PLA2G12A: variants seen among roughly 807,000 people sequenced by gnomAD.
PLA2G12A encodes phospholipase A2 group XIIA.
Under a neutral mutation model 16.0 loss-of-function variants are expected in PLA2G12A, and 11 were observed. That is an observed-to-expected ratio of 0.69 (90% CI 0.43 to 1.13). The LOEUF (loss-of-function observed/expected upper bound fraction) is 1.13. PLA2G12A is among the 50% of genes most tolerant of loss of function. The pLI is 0.00. For missense variants in PLA2G12A, 214 were observed against 237.3 expected (o/e 0.90, Z 0.65); for synonymous variants, 77 against 93.8 (o/e 0.82, Z 1.03).
At chr4:109,714,626 C>T (rs532564463) in intron 3 of PLA2G12A, 131 bp from the exon 4 acceptor site, 1 of 657,454 alleles carries the variant, frequency 1.5e-6, no homozygotes, top group East Asian at 2.5e-5. Flanking sequence ...AATCACCAAA[C>T]TCTCACAACC....
intron 1 of PLA2G12A, among the ~76,000 whole-genome samples, chr4:109,721,186 C>T (rs779404009): frequency 2.2e-4 from 33 of 152,284 alleles, no homozygotes; most frequent in Non-Finnish European, 4.1e-4. Flanking sequence ...AGCACTTCGT[C>T]TTGTTTCTCC....
intron 1 of PLA2G12A, among the ~76,000 whole-genome samples, chr4:109,719,029 G>A (rs1283889583): frequency 3.3e-5 from 5 of 152,160 alleles, no homozygotes; most frequent in Admixed American, 3.3e-4. Context: ...GTAAGCCTAT[G>A]TCATACGAAA....
chr4:109,718,540 C>T, intron 2 of PLA2G12A, 143 bp downstream of exon 2: 1 of 606,548 alleles, frequency 1.6e-6, no homozygotes, highest in African/African-American at 1.9e-5. Context: ...TTAGTTTTGC[C>T]AAAAAGAATC....
intron 1 of PLA2G12A, among the ~76,000 whole-genome samples, chr4:109,727,108 T>TATC (rs1722956312): frequency 6.6e-6 from 1 of 151,020 alleles, no homozygotes; most frequent in African/African-American, 2.4e-5. Flanking sequence ...ACAGCAATTT[T>TATC]ATTATTATTA....
rs796645595 is a variant in PLA2G12A, at chr4:109,725,981, A to T, written c.208+3621T>A. On this transcript the variant is annotated intron_variant, in intron 1 of 3. Transcript: ENST00000243501. ...ACTTTTATATTTTCCTCAAATCTCC[A>T]ACATCCCCATTCCCCATCTTCTCTG... Among the ~76,000 whole-genome samples, 136 of 152,270 alleles carry T rather than the reference A, an allele frequency of 8.9e-4. 1 individual carries two copies. Among genetic ancestry groups the T allele is most frequent in the African/African-American group, 3.2e-3 (132 of 41,558 alleles).
chr4:109,717,517 A>C, intron 3 of PLA2G12A, 31 bp downstream of exon 3: 1 of 1,594,882 alleles, frequency 6.3e-7, no homozygotes, highest in Non-Finnish European at 8.6e-7. Context: ...TAAAAAGTAC[A>C]CTCATCCCCA....
At chr4:109,728,901 A>G (rs747728057) in intron 1 of PLA2G12A, among the ~76,000 whole-genome samples, 1 of 152,240 alleles carries the variant, frequency 6.6e-6, no homozygotes, top group Non-Finnish European at 1.5e-5. Context: ...CAAAAGAACT[A>G]TCTCTGCCTG....
At chr4:109,720,031 C>T (rs566341923) in intron 1 of PLA2G12A, among the ~76,000 whole-genome samples, 72 of 152,344 alleles carry the variant, frequency 4.7e-4, no homozygotes, top group African/African-American at 1.7e-3. Flanking sequence ...ATGTTTCCCA[C>T]AACCCTCCTA....
At chr4:109,714,905 T>C (rs868428156) in intron 3 of PLA2G12A, among the ~76,000 whole-genome samples, 2 of 152,068 alleles carry the variant, frequency 1.3e-5, no homozygotes, top group South Asian at 2.1e-4. Context: ...ATTTAAATTT[T>C]TTAAATTTAA....
intron 1 of PLA2G12A, among the ~76,000 whole-genome samples, chr4:109,722,595 T>C (rs1193273718): frequency 1.3e-5 from 2 of 152,198 alleles, no homozygotes; most frequent in South Asian, 2.1e-4. Flanking sequence ...ATCTGCCAAA[T>C]GCTAGATCTT....
intron 3 of PLA2G12A, among the ~76,000 whole-genome samples, chr4:109,717,048 G>A (rs1221870416): frequency 6.6e-6 from 1 of 152,194 alleles, no homozygotes; most frequent in Non-Finnish European, 1.5e-5. Context: ...TCCACTAAGT[G>A]AAGACACAGT....
In PLA2G12A at chr4:109,712,503, TA is replaced by T. The variant is rs1329248576; in HGVS notation, c.*1873del. On this transcript the variant is annotated 3_prime_UTR_variant, in exon 4 of 4. Transcript: ENST00000243501. The stretch of plus-strand genomic sequence containing the variant: ...CAAATATTTCAATAGTAAATATTGA[TA>T]AACCATTTTTTTTTTAGAGTCTTGC... 1 of 152,164 alleles carries T rather than the reference TA, an allele frequency of 6.6e-6. No individual in the cohort carries two copies. Among genetic ancestry groups the T allele is most frequent in the East Asian group, 1.9e-4 (1 of 5,202 alleles). The allele number at this position is 152,164 out of a possible 1,614,324, so 9.4% of individuals were successfully genotyped here.
chr4:109,723,928 T>C (rs1376321539), intron 1 of PLA2G12A, among the ~76,000 whole-genome samples: 1 of 152,176 alleles, frequency 6.6e-6, no homozygotes, highest in Non-Finnish European at 1.5e-5. Context: ...ATTGAGTGTG[T>C]CATTTGAAAA....
chr4:109,713,010 G>A lies in PLA2G12A; in HGVS notation c.*1367C>T, dbSNP rs1730762913. The A allele has an allele frequency of 6.6e-6, 1 of 152,156 alleles. No homozygotes were observed. The highest frequency in any genetic ancestry group is 2.1e-4 in the South Asian group (1 of 4,824). The allele number at this position is 152,156 out of a possible 1,614,324, so 9.4% of individuals were successfully genotyped here. A position where few individuals can be genotyped will look rare whatever the true frequency, so the allele number is the denominator to read the frequency against. On this transcript the variant is annotated 3_prime_UTR_variant, in exon 4 of 4. Transcript: ENST00000243501. Reference sequence around the variant, plus strand: ...GGCAATGACATATCTCCAAAGTTAGGAACATGGCCCTTTCTCCAGAACATA... The same window carrying A: ...GGCAATGACATATCTCCAAAGTTAGAAACATGGCCCTTTCTCCAGAACATA...
chr4:109,718,606 G>A (rs1730868109), intron 2 of PLA2G12A, 77 bp downstream of exon 2: 1 of 1,092,126 alleles, frequency 9.2e-7, no homozygotes. Flanking sequence ...CTAAGAACAT[G>A]CTGATAGTCT....
intron 1 of PLA2G12A, among the ~76,000 whole-genome samples, chr4:109,728,472 C>G (rs938524488): frequency 6.6e-6 from 1 of 152,176 alleles, no homozygotes; most frequent in African/African-American, 2.4e-5. Context: ...ACAAGTTCTA[C>G]AAGAATAAAA....
At chr4:109,723,822 G>C (rs1722864456) in intron 1 of PLA2G12A, among the ~76,000 whole-genome samples, 2 of 152,116 alleles carry the variant, frequency 1.3e-5, no homozygotes, top group Non-Finnish European at 2.9e-5. Context: ...GAATAATAGT[G>C]TATTTACAAT....
rs1730716808 is a variant in PLA2G12A, at chr4:109,711,053, C to CTTTTTTTTTTTTTTTTTTTTTTGTTT, written c.*3323_*3324insAAACAAAAAAAAAAAAAAAAAAAAAA. The CTTTTTTTTTTTTTTTTTTTTTTGTTT allele has an allele frequency of 1.7e-5, 1 of 57,238 alleles. No homozygotes were observed. The highest frequency in any genetic ancestry group is 8.4e-5 in the African/African-American group (1 of 11,898). The allele number at this position is 57,238 out of a possible 1,614,324, so 3.5% of individuals were successfully genotyped here. Reference sequence around the variant, plus strand: ...AGAGCTGCTGACAGTTAGTTCTTGCCTTTTTTTTTTTTTTTTTTTTTTTGC... The same window carrying CTTTTTTTTTTTTTTTTTTTTTTGTTT: ...AGAGCTGCTGACAGTTAGTTCTTGCCTTTTTTTTTTTTTTTTTTTTTTGTTTTTTTTTTTTTTTTTTTTTTTTTTGC... On this transcript the variant is annotated 3_prime_UTR_variant, in exon 4 of 4. Transcript: ENST00000243501.
rs564673065 is a variant in PLA2G12A at position 109,713,218 on chromosome 4, C to T, written c.*1159G>A. The T allele has an allele frequency of 1.3e-5, 2 of 152,126 alleles. No homozygotes were observed. The highest frequency in any genetic ancestry group is 6.5e-5 in the Admixed American group (1 of 15,272). 9.4% of individuals were successfully genotyped at this position (152,126 alleles called of 1,614,324 possible). A position where few individuals can be genotyped will look rare whatever the true frequency, so the allele number is the denominator to read the frequency against. ...TTAACAACCAGTAGTCAGCAAAGAC[C>T]GGTCTAGGAACATAACTGAGCATTC... On this transcript the variant is annotated 3_prime_UTR_variant, in exon 4 of 4. Transcript: ENST00000243501.
Sources: gnomAD v4.1 joint callset for allele counts (sites outside exome capture counted in the v4.1 genomes callset) on GRCh38, gnomAD v4.1.1 for gene constraint, MANE v1.5 for transcripts, NCBI Gene and HGNC (gene_info 2026-07-23, HGNC 2026-07-21) for gene names.